FCMR: variants seen among roughly 807,000 people sequenced by gnomAD.
FCMR encodes the protein Fc mu receptor.
Under a neutral mutation model 41.6 loss-of-function variants are expected in FCMR, and 34 were observed. That is an observed-to-expected ratio of 0.82 (90% confidence interval 0.62 to 1.09). FCMR has a LOEUF of 1.09. FCMR is among the 50% of genes least tolerant of loss of function. The pLI, the probability that FCMR is intolerant of heterozygous loss-of-function variation, is 0.00. For synonymous variants in FCMR, 209 were observed against 211.8 expected, an observed-to-expected ratio of 0.99 and a Z score of 0.12; for missense variants, 496 against 512.5, an observed-to-expected ratio of 0.97 and a Z score of 0.31.
In FCMR at chr1:206,917,777, C is replaced by T. The variant is rs752214172; in HGVS notation, c.38-3683G>A. ...GAATAGCTGAGATCACAGGCGCCTG[C>T]CACCATGTGTGGCGAATTTTTTTTT... On this transcript the variant is annotated intron_variant, in intron 1 of 7. Coordinates refer to ENST00000367091, the MANE Select transcript of FCMR (RefSeq NM_005449.5). 2.0e-4 allele frequency: 91 copies of T among 452,696 alleles called. 1 individual carries two copies. The highest frequency in any genetic ancestry group is 1.2e-3 in the South Asian group (79 of 64,248). 28.0% of individuals were successfully genotyped at this position (452,696 alleles called of 1,614,324 possible).
chr1:206,911,671 G>C lies in FCMR; in HGVS notation c.710+59C>G, dbSNP rs1678943403. The C allele has an allele frequency of 2.0e-6, 3 of 1,500,186 alleles. No individual in the cohort carries two copies. In the East Asian group the frequency reaches 6.8e-5, roughly 34 times the overall value. 92.9% of individuals were successfully genotyped at this position (1,500,186 alleles called of 1,614,324 possible). A position where few individuals can be genotyped will look rare whatever the true frequency, so the allele number is the denominator to read the frequency against. On this transcript the variant is annotated intron_variant, in intron 4 of 7. Transcript: ENST00000367091. ...GTGTCTAATAATGGACATTGCAGTGGGTTTCAGTGGATCTCTTAATTCTAG... is the reference window on the plus strand; with the variant it reads ...GTGTCTAATAATGGACATTGCAGTGCGTTTCAGTGGATCTCTTAATTCTAG...
intron 7 of FCMR, among the ~76,000 whole-genome samples, chr1:206,907,186 C>T (rs2102543754): frequency 6.7e-6 from 1 of 148,904 alleles, no homozygotes; most frequent in Non-Finnish European, 1.5e-5. Context: ...TAGCCAGGCC[C>T]ACGATTGACC....
In FCMR at chr1:206,908,876, C is replaced by T. The variant is rs556764182; in HGVS notation, c.1044+586G>A. ...AACGGATAAAGGCTTTCTACCCAAC[C>T]ATCAGTGGCCCTGAGTGGAAACGCG... On this transcript the variant is annotated intron_variant, in intron 7 of 7. Coordinates refer to ENST00000367091, the MANE Select transcript of FCMR (RefSeq NM_005449.5). Among the ~76,000 whole-genome samples the T allele has an allele frequency of 3.9e-5, 6 of 152,286 alleles. No homozygotes were observed. The East Asian group carries it at 5.8e-4, about 15-fold the overall frequency.
chr1:206,907,944 A>G (rs768935674), intron 7 of FCMR: 6 of 1,341,236 alleles, frequency 4.5e-6, no homozygotes, highest in Non-Finnish European at 6.4e-6. Context: ...ACGGCATCCT[A>G]CTGCCCTACG....
intron 7 of FCMR, chr1:206,906,186 G>C: frequency 1.9e-6 from 1 of 514,086 alleles, no homozygotes; most frequent in Non-Finnish European, 4.0e-6. Flanking sequence ...TCAACCCGAA[G>C]CAAATTAACC....
intron 1 of FCMR, among the ~76,000 whole-genome samples, chr1:206,919,661 C>T (rs1572632960): frequency 6.6e-6 from 1 of 152,144 alleles, no homozygotes; most frequent in East Asian, 1.9e-4. Context: ...AAGTGCTCAC[C>T]CTGTGGGCAT....
chr1:206,916,926 T>A (rs1679219817), intron 1 of FCMR, among the ~76,000 whole-genome samples: 1 of 152,168 alleles, frequency 6.6e-6, no homozygotes, highest in African/African-American at 2.4e-5. Context: ...ATATAACATT[T>A]ACAAATGATT....
chr1:206,914,718 C>G (rs1288052840), intron 1 of FCMR, among the ~76,000 whole-genome samples: 1 of 152,088 alleles, frequency 6.6e-6, no homozygotes, highest in African/African-American at 2.4e-5. Flanking sequence ...AGCCACCACG[C>G]CCAACCCTTA....
intron 1 of FCMR, among the ~76,000 whole-genome samples, chr1:206,915,277 C>T (rs116435944): frequency 1.1e-3 from 171 of 152,194 alleles, no homozygotes; most frequent in African/African-American, 3.9e-3. Context: ...CAAACCCGGG[C>T]GCCTGATGTA....
chr1:206,921,520 G>A (rs1002147557), intron 1 of FCMR: 10 of 484,206 alleles, frequency 2.1e-5, no homozygotes, highest in East Asian at 8.2e-5. Context: ...AGGATCACTC[G>A]AACCCAGGAG....
chr1:206,909,530 AGCGAGG>A lies in FCMR; in HGVS notation c.986-16_986-11del. The A allele has an allele frequency of 7.5e-7, 1 of 1,327,606 alleles. No homozygotes were observed. Among genetic ancestry groups the A allele is most frequent in the Non-Finnish European group, 9.6e-7 (1 of 1,042,582 alleles). 82.2% of individuals were successfully genotyped at this position (1,327,606 alleles called of 1,614,324 possible). The stretch of plus-strand genomic sequence containing the variant: ...GGGGCCTCCCCTGTGCCTAGGGAAC[AGCGAGG>A]GCGAGGTGAGGCGGCGGCCGAGGCT... On this transcript the variant is annotated splice_polypyrimidine_tract_variant and intron_variant, in intron 6 of 7. Coordinates refer to ENST00000367091, the MANE Select transcript of FCMR (RefSeq NM_005449.5). This position sits in a 1 kb window ranked among gnomAD's most constrained non-coding sequence, Gnocchi z 5.0.
intron 1 of FCMR, among the ~76,000 whole-genome samples, chr1:206,918,878 C>T (rs1223566276): frequency 1.3e-5 from 2 of 152,126 alleles, no homozygotes; most frequent in Non-Finnish European, 2.9e-5. Context: ...GGGAGACCCA[C>T]TCCAGCATTT....
Position 206,909,034 on chromosome 1 carries a change from C to T in FCMR, c.1044+428G>A, listed in dbSNP as rs1411446839. ...CAGAGAAAGGTAAATTACCTCCTCT[C>T]ATCTTCGAGAGTTTACTAGAAAGTT... On this transcript the variant is annotated intron_variant, in intron 7 of 7. Coordinates refer to ENST00000367091, the MANE Select transcript of FCMR (RefSeq NM_005449.5). The surrounding 1 kb of genome is among the most constrained non-coding windows in gnomAD (Gnocchi z 5.0). 1.3e-5 allele frequency among the ~76,000 whole-genome samples: 2 copies of T among 152,164 alleles called. No individual in the cohort carries two copies. The highest frequency in any genetic ancestry group is 6.5e-5 in the Admixed American group (1 of 15,282).
Position 206,921,894 on chromosome 1 carries a change from G to C in FCMR, c.-40C>G, listed in dbSNP as rs374615590. 7 of 1,598,796 alleles carry C rather than the reference G, an allele frequency of 4.4e-6. No homozygotes were observed. In the Admixed American group the frequency reaches 1.0e-4, roughly 23 times the overall value. On this transcript the variant is annotated 5_prime_UTR_variant, in exon 1 of 8. Coordinates refer to ENST00000367091, the MANE Select transcript of FCMR (RefSeq NM_005449.5). The stretch of plus-strand genomic sequence containing the variant: ...TGCAAGGTCCATCCAAGAGCCCCTA[G>C]AGAGGGGGATGGAGACACGCTGCTT...
At chr1:206,920,248 A>G (rs1301397609) in intron 1 of FCMR, among the ~76,000 whole-genome samples, 3 of 152,136 alleles carry the variant, frequency 2.0e-5, no homozygotes, top group Admixed American at 1.3e-4. Context: ...TGAGGTCAGG[A>G]GTTCAAGACC....
Position 206,909,274 on chromosome 1 carries a change from C to T in FCMR, c.1044+188G>A, listed in dbSNP as rs1678810723. ...GTCTTCTACAGTTCCCGGTATTCAACCTCCTGACACCAAACAAGGAGGAAA... is the reference window on the plus strand; with the variant it reads ...GTCTTCTACAGTTCCCGGTATTCAATCTCCTGACACCAAACAAGGAGGAAA... On this transcript the variant is annotated intron_variant, in intron 7 of 7. Transcript: ENST00000367091. This position sits in a 1 kb window ranked among gnomAD's most constrained non-coding sequence, Gnocchi z 5.0. Among the ~76,000 whole-genome samples the T allele has an allele frequency of 6.6e-6, 1 of 152,228 alleles. No homozygotes were observed. The highest frequency in any genetic ancestry group is 2.4e-5 in the African/African-American group (1 of 41,456).
chr1:206,910,182 C>G, intron 5 of FCMR, 28 bp downstream of exon 5: 1 of 1,568,144 alleles, frequency 6.4e-7, no homozygotes. Context: ...GGCAGCTCAG[C>G]TCTCCCTACC....
Position 206,910,240 on chromosome 1 carries a change from C to T in FCMR, c.811G>A (p.Val271Met), listed in dbSNP as rs1678872021. The change falls in exon 5 of 8, where the codon GTG becomes ATG. Residue 271 changes from valine to methionine, a missense_variant. Physicochemically the swap from Val to Met is conservative, Grantham distance 21. Transcript: ENST00000367091. ...CTCCTTTCAACGGCCCTTTTCACCA[C>T]CAGCCCCAGAAGTGCCAGCAGGAAA... ...GLFLLALLGL[V>M]VKRAVERRKA... is the part of the protein sequence containing the mutation. 2 of 1,601,878 alleles carry T rather than the reference C, an allele frequency of 1.2e-6. No homozygotes were observed. The highest frequency in any genetic ancestry group is 1.1e-5 in the South Asian group (1 of 87,968).
intron 7 of FCMR, chr1:206,906,221 T>A: frequency 2.2e-6 from 1 of 448,372 alleles, no homozygotes. Flanking sequence ...GGAGAAACGA[T>A]ACACAAAGTT....
Sources: gnomAD v4.1 joint callset for allele counts (sites outside exome capture counted in the v4.1 genomes callset) on GRCh38, gnomAD v4.1.1 for gene constraint, Gnocchi (gnomAD v3.1) non-coding constraint, MANE v1.5 for transcripts, NCBI Gene and HGNC (gene_info 2026-07-23, HGNC 2026-07-21) for gene names.